The following ACSS1 variants were observed in gnomAD, a reference collection of about 807,000 sequenced individuals.
ACSS1 encodes the protein acetyl-coenzyme A synthetase 2-like, mitochondrial.
A neutral mutation model predicts 75.3 loss-of-function variants in ACSS1; 42 were observed. The observed-to-expected ratio is 0.56, with a 90% CI of 0.44 to 0.72. The LOEUF (loss-of-function observed/expected upper bound fraction) is 0.72, where lower values mean the gene tolerates loss of function less well. Among genes scored for constraint, ACSS1 ranks in the 30% least tolerant of loss-of-function variants. The pLI, the probability that ACSS1 is intolerant of heterozygous loss-of-function variation, is 0.00. For missense variants in ACSS1, 782 were observed against 935.7 expected, an observed-to-expected ratio of 0.84 and a Z score of 2.14; for synonymous variants, 380 against 376.8, an observed-to-expected ratio of 1.01 and a Z score of -0.10.
At chr20:25,036,345 A>G (rs2088907037) in intron 2 of ACSS1, among the ~76,000 whole-genome samples, 1 of 152,214 alleles carries the variant, frequency 6.6e-6, no homozygotes, top group African/African-American at 2.4e-5. Flanking sequence ...AATAACTTTT[A>G]TCCAATGCTA....
At chr20:25,044,438 C>A (rs1437067940) in intron 2 of ACSS1, among the ~76,000 whole-genome samples, 1 of 152,148 alleles carries the variant, frequency 6.6e-6, no homozygotes, top group Non-Finnish European at 1.5e-5. Flanking sequence ...CCAACCTGGG[C>A]AGCATAGCGA....
intron 7 of ACSS1, 60 bp from the exon 8 acceptor site, chr20:25,015,290 G>A: frequency 6.9e-7 from 1 of 1,447,988 alleles, no homozygotes; most frequent in Non-Finnish European, 9.5e-7. Flanking sequence ...GAAACCAAAG[G>A]GAAGTTTTGT....
intron 2 of ACSS1, among the ~76,000 whole-genome samples, chr20:25,033,369 C>T (rs1366291151): frequency 6.6e-6 from 1 of 152,186 alleles, no homozygotes; most frequent in African/African-American, 2.4e-5. Context: ...GCTGCCTAGA[C>T]ATGGGAGCTT....
intron 3 of ACSS1, among the ~76,000 whole-genome samples, chr20:25,028,015 A>C (rs919234878): frequency 6.6e-6 from 1 of 152,186 alleles, no homozygotes; most frequent in African/African-American, 2.4e-5. Context: ...AAACAATTCC[A>C]TTTATAAAAA....
rs556439872 is a variant in ACSS1, at chr20:25,022,085, G to A, written c.961-549C>T. On this transcript the variant is annotated intron_variant, in intron 5 of 13. Coordinates refer to ENST00000323482, the MANE Select transcript of ACSS1 (RefSeq NM_032501.4). The stretch of plus-strand genomic sequence containing the variant: ...ATCAACAATATTTTAGGCCGGACAC[G>A]GTGGCTCACACCTGTAATTCCAGCA... Among the ~76,000 whole-genome samples, 4 of 152,300 alleles carry A rather than the reference G, an allele frequency of 2.6e-5. No individual in the cohort carries two copies. In the South Asian group the frequency reaches 6.2e-4, roughly 24 times the overall value.
In ACSS1 at chr20:25,007,423, G is replaced by A. The variant is rs1039234884; in HGVS notation, c.*339C>T. 107 of 1,161,090 alleles carry A rather than the reference G, an allele frequency of 9.2e-5. No individual in the cohort carries two copies. The highest frequency in any genetic ancestry group is 9.9e-5 in the Non-Finnish European group (93 of 938,590). 71.9% of individuals were successfully genotyped at this position (1,161,090 alleles called of 1,614,324 possible). A position where few individuals can be genotyped will look rare whatever the true frequency, so the allele number is the denominator to read the frequency against. ...CTAGCTAACTAGCTCTGTGTTATCT[G>A]AGCAGGCGCGCTATCCCAGGGCCTC... On this transcript the variant is annotated 3_prime_UTR_variant, in exon 14 of 14. Coordinates refer to ENST00000323482, the MANE Select transcript of ACSS1 (RefSeq NM_032501.4).
chr20:25,021,625 T>G (rs1418180009), intron 5 of ACSS1, 89 bp from the exon 6 acceptor site: 2 of 1,527,682 alleles, frequency 1.3e-6, no homozygotes, highest in African/African-American at 2.8e-5. Context: ...ATGCATAGGC[T>G]GCAGTCCATA....
In ACSS1 at chr20:25,012,986, C is replaced by A. The variant is rs1400421835; in HGVS notation, c.1580-47G>T. 2.5e-6 allele frequency: 4 copies of A among 1,612,652 alleles called. No homozygotes were observed. In the Admixed American group the frequency reaches 5.0e-5, roughly 20 times the overall value. ...CAGCACCAGGAACCCTGAGCCAGGA[C>A]CCATGTCCCAACCTCAGTAAGCGTG... On this transcript the variant is annotated intron_variant, in intron 10 of 13. Transcript: ENST00000323482.
At chr20:25,041,043 A>G (rs771058531) in intron 2 of ACSS1, among the ~76,000 whole-genome samples, 28 of 152,212 alleles carry the variant, frequency 1.8e-4, no homozygotes, top group South Asian at 8.3e-4. Context: ...TGGATCACGA[A>G]GTCAGGAGAT....
intron 12 of ACSS1, chr20:25,010,888 C>A (rs1380019342): frequency 6.6e-6 from 1 of 152,262 alleles, no homozygotes; most frequent in African/African-American, 2.4e-5. Context: ...AGGTCCTAGA[C>A]AAGGTCCAGG....
intron 4 of ACSS1, among the ~76,000 whole-genome samples, 179 bp from the exon 5 acceptor site, chr20:25,023,271 G>A (rs573987716): frequency 6.6e-6 from 1 of 152,248 alleles, no homozygotes; most frequent in East Asian, 1.9e-4. Flanking sequence ...AAGCATTTGT[G>A]TTACAGTAAG....
At chr20:25,057,212 A>G (rs1355609518) in intron 1 of ACSS1, among the ~76,000 whole-genome samples, 1 of 152,144 alleles carries the variant, frequency 6.6e-6, no homozygotes, top group Non-Finnish European at 1.5e-5. Flanking sequence ...GCGAAGAAAT[A>G]ACTGGTTCCA....
At chr20:25,053,878 A>G (rs985061024) in intron 1 of ACSS1, among the ~76,000 whole-genome samples, 2 of 152,252 alleles carry the variant, frequency 1.3e-5, no homozygotes, top group Non-Finnish European at 2.9e-5. Context: ...AATAGAGCTT[A>G]GCTGTGTGTT....
chr20:25,047,562 G>A lies in ACSS1; in HGVS notation c.431+523C>T, dbSNP rs148209789. 1.8e-3 allele frequency among the ~76,000 whole-genome samples: 276 copies of A among 152,282 alleles called. 1 individual carries two copies. The highest frequency in any genetic ancestry group is 6.2e-3 in the African/African-American group (257 of 41,552). ...GAGCTGCCCCCAGGAGAGTAATCAC[G>A]CTCGATGATTGTGTGTGATGGGGAC... On this transcript the variant is annotated intron_variant, in intron 2 of 13. Transcript: ENST00000323482.
intron 2 of ACSS1, among the ~76,000 whole-genome samples, chr20:25,038,188 T>G (rs918568128): frequency 2.6e-5 from 4 of 152,206 alleles, no homozygotes; most frequent in African/African-American, 9.7e-5. Flanking sequence ...AAATTCCTTA[T>G]GGAAAGTGAA....
chr20:25,033,900 A>G (rs751630304), intron 2 of ACSS1, among the ~76,000 whole-genome samples: 9 of 152,202 alleles, frequency 5.9e-5, no homozygotes, highest in Non-Finnish European at 4.4e-5. Context: ...CTGGACAGCT[A>G]AACGACAGCC....
intron 10 of ACSS1, among the ~76,000 whole-genome samples, chr20:25,013,216 A>T (rs1343319934): frequency 6.6e-6 from 1 of 152,224 alleles, no homozygotes; most frequent in East Asian, 1.9e-4. Flanking sequence ...GGGAAAAAAT[A>T]AAAGTAAACT....
At chr20:25,035,396 A>G (rs1327413963) in intron 2 of ACSS1, among the ~76,000 whole-genome samples, 2 of 147,186 alleles carry the variant, frequency 1.4e-5, no homozygotes, top group Non-Finnish European at 1.5e-5. Flanking sequence ...ATTTCTCCCC[A>G]TCTTTCCAGG....
chr20:25,013,886 A>G, intron 9 of ACSS1, 75 bp downstream of exon 9: 1 of 1,480,624 alleles, frequency 6.8e-7, no homozygotes, highest in Non-Finnish European at 9.3e-7. Context: ...GGCACACAGG[A>G]GAGAGCTGGG....
Sources: gnomAD v4.1 joint callset for allele counts (sites outside exome capture counted in the v4.1 genomes callset) on GRCh38, gnomAD v4.1.1 for gene constraint, MANE v1.5 for transcripts, NCBI Gene and HGNC (gene_info 2026-07-23, HGNC 2026-07-21) for gene names.